Variants in ZNF407 observed in about 807,000 individuals in gnomAD.
ZNF407 encodes the protein zinc finger protein 407.
In ZNF407, 17 loss-of-function variants were observed where a neutral mutation model predicts 131.2. That is an observed-to-expected ratio of 0.13 (90% CI 0.09 to 0.19). The LOEUF (loss-of-function observed/expected upper bound fraction) is 0.19, where lower values mean the gene tolerates loss of function less well. Ranked by LOEUF, ZNF407 falls within the 10% of genes least tolerant of loss-of-function variation. The pLI, the probability that ZNF407 is intolerant of heterozygous loss-of-function variation, is 1.00. For missense variants in ZNF407, 2,681 were observed against 2,830.6 expected, an observed-to-expected ratio of 0.95 and a Z score of 1.20; for synonymous variants, 1,156 against 1,062.0, an observed-to-expected ratio of 1.09 and a Z score of -1.72.
rs746135170 is a variant in ZNF407 at position 75,063,143 on chromosome 18, C to A, written c.5429-7C>A. On this transcript the variant is annotated splice_polypyrimidine_tract_variant and splice_region_variant and intron_variant, in intron 8 of 8. Coordinates refer to ENST00000299687, the MANE Select transcript of ZNF407 (RefSeq NM_017757.3). This position sits in a 1 kb window ranked among gnomAD's most constrained non-coding sequence, Gnocchi z 6.6. ...TCCAGGCTCTAACTGGTCCCTGTCT[C>A]CCTTAGGCATTGTTTCCAAGTCGTA... 1.3e-6 allele frequency: 2 copies of A among 1,566,274 alleles called. No individual in the cohort carries two copies. The highest frequency in any genetic ancestry group is 8.6e-7 in the Non-Finnish European group (1 of 1,156,208).
At chr18:74,964,151 T>C (rs1260554010) in intron 8 of ZNF407, among the ~76,000 whole-genome samples, 2 of 152,186 alleles carry the variant, frequency 1.3e-5, no homozygotes, top group Non-Finnish European at 2.9e-5. Flanking sequence ...ATAACAGACT[T>C]TCATATGTAG....
intron 3 of ZNF407, among the ~76,000 whole-genome samples, chr18:74,774,551 C>T (rs911981485): frequency 1.3e-5 from 2 of 152,136 alleles, no homozygotes; most frequent in Admixed American, 6.6e-5. Context: ...ACCCAACATT[C>T]GTAGGTGATG....
intron 3 of ZNF407, among the ~76,000 whole-genome samples, chr18:74,775,691 C>A (rs971128200): frequency 1.3e-5 from 2 of 152,104 alleles, no homozygotes; most frequent in African/African-American, 4.8e-5. Context: ...TAAAGAAATA[C>A]CTGACGCTGA....
chr18:74,885,685 G>A (rs1971299577), intron 6 of ZNF407, among the ~76,000 whole-genome samples: 1 of 152,134 alleles, frequency 6.6e-6, no homozygotes. Context: ...TACTACATGG[G>A]GAAGTGTTTT....
chr18:74,860,719 GTTAA>G (rs1239844015), intron 4 of ZNF407, among the ~76,000 whole-genome samples: 2 of 152,008 alleles, frequency 1.3e-5, no homozygotes, highest in South Asian at 2.1e-4. Context: ...TAAGAAGTAG[GTTAA>G]TTAATACCAG....
At chr18:75,033,960 T>C (rs866044786) in intron 8 of ZNF407, among the ~76,000 whole-genome samples, 2 of 152,258 alleles carry the variant, frequency 1.3e-5, no homozygotes, top group African/African-American at 4.8e-5. Context: ...TTATATTTTC[T>C]TCATATTTAT....
chr18:74,776,586 C>T (rs1286416138), intron 3 of ZNF407, among the ~76,000 whole-genome samples: 1 of 152,134 alleles, frequency 6.6e-6, no homozygotes, highest in African/African-American at 2.4e-5. Context: ...AAAATTCCCC[C>T]TACCCCTACT....
At chr18:74,662,195 G>A (rs1985745294) in intron 3 of ZNF407, among the ~76,000 whole-genome samples, 1 of 152,044 alleles carries the variant, frequency 6.6e-6, no homozygotes. Flanking sequence ...TCTCACATAC[G>A]ATTTTGTTGT....
chr18:75,063,660 T>G lies in ZNF407; in HGVS notation c.5939T>G (p.Val1980Gly), dbSNP rs747821019. 3.7e-6 allele frequency: 6 copies of G among 1,604,438 alleles called. No homozygotes were observed. The highest frequency in any genetic ancestry group is 5.1e-6 in the Non-Finnish European group (6 of 1,176,810). The change falls in exon 9 of 9, where the codon GTC becomes GGC. Residue 1980 changes from valine (V) to glycine (G), a missense_variant. Physicochemically the swap from Val to Gly is moderately radical, Grantham distance 109. Coordinates refer to ENST00000299687, the MANE Select transcript of ZNF407 (RefSeq NM_017757.3). The surrounding 1 kb of genome is among the most constrained non-coding windows in gnomAD (Gnocchi z 6.6). ...QEILNLSEAG[V>G]APPEASSALD... is the part of the protein sequence containing the mutation. ...ATTTTAAACCTCTCGGAGGCTGGAG[T>G]CGCTCCCCCCGAGGCATCCTCAGCC...
chr18:74,622,969 CGTGT>C (rs763742810), intron 1 of ZNF407, among the ~76,000 whole-genome samples: 3 of 151,586 alleles, frequency 2.0e-5, no homozygotes, highest in East Asian at 1.9e-4. Context: ...TATCTGAGTG[CGTGT>C]GTCAGTGTGA....
rs1973681478 is a variant in ZNF407 at position 75,064,192 on chromosome 18, G to A, written c.6471G>A (p.Gln2157=). ...VTEELVQAMV[Q]ESSGGFSEGT... is the part of the protein sequence containing the mutation. ...AGGAGCTGGTCCAGGCCATGGTGCA[G>A]GAGTCCAGTGGCGGCTTCTCCGAGG... The change falls in exon 9 of 9, where the codon CAG becomes CAA. Residue 2157 remains glutamine, a synonymous_variant. Coordinates refer to ENST00000299687, the MANE Select transcript of ZNF407 (RefSeq NM_017757.3). 3 of 1,604,548 alleles carry A rather than the reference G, an allele frequency of 1.9e-6. No homozygotes were observed. The highest frequency in any genetic ancestry group is 2.6e-6 in the Non-Finnish European group (3 of 1,176,006).
At chr18:75,060,320 G>A (rs188250769) in intron 8 of ZNF407, 18 of 152,224 alleles carry the variant, frequency 1.2e-4, no homozygotes, top group African/African-American at 4.1e-4. Flanking sequence ...CCTTGAAGAC[G>A]CAGTGCTTTC....
chr18:75,015,436 C>T (rs139554550), intron 8 of ZNF407, among the ~76,000 whole-genome samples: 152 of 150,610 alleles, frequency 1.0e-3, no homozygotes, highest in Non-Finnish European at 2.0e-3. Flanking sequence ...AGATGTACTC[C>T]GGTACAGCGG....
At chr18:74,905,451 C>T (rs1301992519) in intron 7 of ZNF407, 2 of 152,228 alleles carry the variant, frequency 1.3e-5, no homozygotes, top group Non-Finnish European at 2.9e-5. Flanking sequence ...TGGCTGCTCG[C>T]GCAGAGAGCG....
chr18:74,839,997 C>T (rs1417153899), intron 4 of ZNF407, among the ~76,000 whole-genome samples: 1 of 152,174 alleles, frequency 6.6e-6, no homozygotes, highest in Middle Eastern at 3.4e-3. Context: ...TTAATGTCCC[C>T]TTGAACATCA....
chr18:74,632,360 A>C lies in ZNF407; in HGVS notation c.1341A>C (p.Leu447Phe), dbSNP rs984765126. ...KGQAKKRFNL[L>F]GIKRGTSETQ... ...AGGCAAAGAAAAGGTTTAATCTTTT[A>C]GGAATTAAAAGAGGTACAAGTGAAA... Residue 447 changes from leucine (L) to phenylalanine (F), a missense_variant, in exon 2 of 9, where the codon TTA (leucine) becomes TTC (phenylalanine). Physicochemically the swap from Leu to Phe is conservative, Grantham distance 22 (BLOSUM62 0). Around this residue, in one of 6 missense-constraint regions of ZNF407, gnomAD observed 1,789 missense variants for 1,748.7 expected, o/e 1.02. Transcript: ENST00000299687. 1 of 1,613,910 alleles carries C rather than the reference A, an allele frequency of 6.2e-7. No homozygotes were observed. The highest frequency in any genetic ancestry group is 8.5e-7 in the Non-Finnish European group (1 of 1,179,912).
chr18:74,833,839 C>G (rs1345925330), intron 4 of ZNF407, among the ~76,000 whole-genome samples: 3 of 152,038 alleles, frequency 2.0e-5, no homozygotes, highest in Non-Finnish European at 4.4e-5. Flanking sequence ...GCTCCATTGA[C>G]CAAGATGGCA....
At chr18:74,920,200 A>T (rs1195875152) in intron 7 of ZNF407, among the ~76,000 whole-genome samples, 3 of 152,190 alleles carry the variant, frequency 2.0e-5, no homozygotes, top group Admixed American at 6.5e-5. Context: ...GTGTGTTCTC[A>T]GGGATCAGCT....
intron 4 of ZNF407, among the ~76,000 whole-genome samples, chr18:74,814,388 G>T (rs958329401): frequency 2.6e-5 from 4 of 152,136 alleles, no homozygotes; most frequent in African/African-American, 9.7e-5. Context: ...GCCTCCCACA[G>T]TGCTGTAGTT....
Sources: gnomAD v4.1 joint callset for allele counts (sites outside exome capture counted in the v4.1 genomes callset) on GRCh38, gnomAD v4.1.1 for gene constraint, gnomAD v4.1.1 regional missense constraint, Gnocchi (gnomAD v3.1) non-coding constraint, MANE v1.5 for transcripts, NCBI Gene and HGNC (gene_info 2026-07-23, HGNC 2026-07-21) for gene names.